RBPJ: variants seen among roughly 807,000 people sequenced by gnomAD.
The protein encoded by RBPJ is recombination signal binding protein for immunoglobulin kappa J region, also known as recombining binding protein suppressor of hairless.
Under a neutral mutation model 67.8 loss-of-function variants are expected in RBPJ, and 9 were observed. That is an observed-to-expected ratio of 0.13 (90% CI 0.08 to 0.23). The LOEUF (loss-of-function observed/expected upper bound fraction) is 0.23, where lower values mean the gene tolerates loss of function less well. RBPJ is among the 10% of genes least tolerant of loss of function. The pLI is 1.00. For missense variants in RBPJ, 305 were observed against 595.6 expected, an observed-to-expected ratio of 0.51 and a Z score of 5.08; for synonymous variants, 198 against 203.3, an observed-to-expected ratio of 0.97 and a Z score of 0.22.
chr4:26,239,696 AGAGAAGAGAAGAAAAAAAG>A, intron 1 of RBPJ, among the ~76,000 whole-genome samples: 1 of 150,240 alleles, frequency 6.7e-6, no homozygotes, highest in South Asian at 2.2e-4. Flanking sequence ...GGAAAGTAAC[AGAGAAGAGAAGAAAAAAAG>A]GAGAAGAGAA....
At chr4:26,182,325 G>A (rs972467184) in intron 1 of RBPJ, among the ~76,000 whole-genome samples, 15 of 151,992 alleles carry the variant, frequency 9.9e-5, no homozygotes, top group Non-Finnish European at 2.1e-4. Context: ...CTGGGCAAAA[G>A]AGCAAGACTC....
intron 2 of RBPJ, among the ~76,000 whole-genome samples, chr4:26,394,194 T>C (rs1235052102): frequency 6.6e-6 from 1 of 151,940 alleles, no homozygotes; most frequent in Admixed American, 6.6e-5. Context: ...ACCCGGCTAA[T>C]TTTTTTGTAT....
At chr4:26,195,884 G>A (rs941078521) in intron 1 of RBPJ, among the ~76,000 whole-genome samples, 8 of 152,262 alleles carry the variant, frequency 5.3e-5, no homozygotes, top group South Asian at 4.1e-4. Context: ...GTGAGCCACC[G>A]CACCTGGCCG....
At chr4:26,406,141 C>T (rs904450718) in intron 2 of RBPJ, 34 bp from the exon 3 acceptor site, 2 of 1,335,348 alleles carry the variant, frequency 1.5e-6, no homozygotes, top group African/African-American at 2.9e-5. Context: ...AAGAATTTCA[C>T]CTCTGTAACA....
chr4:26,205,431 T>G (rs1048050896), intron 1 of RBPJ, among the ~76,000 whole-genome samples: 1 of 152,140 alleles, frequency 6.6e-6, no homozygotes. Context: ...CTTTTCTTAT[T>G]GCCCTCTCCT....
At chr4:26,415,729 C>A in intron 4 of RBPJ, 89 bp downstream of exon 4, 1 of 1,243,296 alleles carries the variant, frequency 8.0e-7, no homozygotes, top group Non-Finnish European at 1.1e-6. Flanking sequence ...AGATTTTTTT[C>A]TTTAATAACT....
At chr4:26,178,920 G>A (rs1716888673) in intron 1 of RBPJ, among the ~76,000 whole-genome samples, 2 of 152,170 alleles carry the variant, frequency 1.3e-5, no homozygotes, top group African/African-American at 2.4e-5. Flanking sequence ...ATAAGCCCAC[G>A]TTTTGGAGGA....
chr4:26,254,133 A>C (rs1720214399), intron 1 of RBPJ, among the ~76,000 whole-genome samples: 1 of 148,834 alleles, frequency 6.7e-6, no homozygotes, highest in African/African-American at 2.6e-5. Flanking sequence ...ATCATTCTGC[A>C]CCTAAACAAG....
intron 1 of RBPJ, among the ~76,000 whole-genome samples, chr4:26,311,027 T>C (rs1299873296): frequency 6.6e-6 from 1 of 152,206 alleles, no homozygotes; most frequent in Admixed American, 6.5e-5. Flanking sequence ...TTTGATGAGA[T>C]GAATGCAAGT....
At chr4:26,252,451 G>A (rs1292166909) in intron 1 of RBPJ, among the ~76,000 whole-genome samples, 4 of 151,196 alleles carry the variant, frequency 2.6e-5, no homozygotes, top group Non-Finnish European at 5.9e-5. Flanking sequence ...GCTGGGTGTG[G>A]TGGCACGCAC....
intron 1 of RBPJ, among the ~76,000 whole-genome samples, chr4:26,284,149 T>C (rs763063699): frequency 1.4e-4 from 21 of 152,236 alleles, no homozygotes; most frequent in Non-Finnish European, 2.6e-4. Flanking sequence ...TTATATGTTA[T>C]ACTGCCTGAC....
intron 1 of RBPJ, among the ~76,000 whole-genome samples, chr4:26,287,467 C>G (rs533802281): frequency 1.3e-5 from 2 of 150,768 alleles, no homozygotes; most frequent in South Asian, 4.2e-4. Flanking sequence ...GTGGGAAGAT[C>G]GCTTGAGTCA....
chr4:26,349,219 C>T (rs1726539505), intron 1 of RBPJ, among the ~76,000 whole-genome samples: 1 of 151,862 alleles, frequency 6.6e-6, no homozygotes, highest in Non-Finnish European at 1.5e-5. Flanking sequence ...AGGTATGAGC[C>T]ACCATGCCTG....
At chr4:26,246,757 A>G (rs1719940476) in intron 1 of RBPJ, among the ~76,000 whole-genome samples, 1 of 152,134 alleles carries the variant, frequency 6.6e-6, no homozygotes, top group African/African-American at 2.4e-5. Flanking sequence ...AGCCTAGTCT[A>G]GTGCCTGCTT....
At chr4:26,385,972 GAATTATTTTATA>G (rs975220462) in intron 1 of RBPJ, among the ~76,000 whole-genome samples, 3 of 151,672 alleles carry the variant, frequency 2.0e-5, no homozygotes, top group Admixed American at 1.3e-4. Context: ...CAGGCTAATA[GAATTATTTTATA>G]ATGATTACAT....
Position 26,209,540 on chromosome 4 carries a change from T to TCCC in RBPJ, c.-167+45926_-167+45927insCCC, listed in dbSNP as rs1313871378. Among the ~76,000 whole-genome samples, 18 of 125,802 alleles carry TCCC rather than the reference T, an allele frequency of 1.4e-4. 2 individuals are homozygous for TCCC. Among genetic ancestry groups the TCCC allele is most frequent in the East Asian group, 4.8e-4 (2 of 4,192 alleles). The allele number at this position is 125,802 out of a possible 152,430, so 82.5% of individuals were successfully genotyped here. A position where few individuals can be genotyped will look rare whatever the true frequency, so the allele number is the denominator to read the frequency against. ...AACAATCAAGTGACATCCTATCTCC[T>TCCC]TCCTTCCTCCTTCCCTGTCTCCCTC... On this transcript the variant is annotated intron_variant, in intron 1 of 4. Transcript: ENST00000512351.
At chr4:26,114,116 T>C in the RBPJ span, among the ~76,000 whole-genome samples, 1 of 152,182 alleles carries the variant, frequency 6.6e-6, no homozygotes, top group Non-Finnish European at 1.5e-5. Flanking sequence ...CATTTACTCA[T>C]CTTCATAGTA....
intron 1 of RBPJ, among the ~76,000 whole-genome samples, chr4:26,214,921 A>AGG (rs1560214126): frequency 2.7e-5 from 2 of 75,356 alleles, no homozygotes; most frequent in African/African-American, 4.0e-5. Context: ...AAAAGAGAAA[A>AGG]AAGGAAGGAA....
At chr4:26,124,097 G>A in the RBPJ span, among the ~76,000 whole-genome samples, 1 of 151,924 alleles carries the variant, frequency 6.6e-6, no homozygotes, top group South Asian at 2.1e-4. Flanking sequence ...GGTGATGTTT[G>A]GTTATAGGAA....
Sources: gnomAD v4.1 joint callset for allele counts (sites outside exome capture counted in the v4.1 genomes callset) on GRCh38, gnomAD v4.1.1 for gene constraint, MANE v1.5 for transcripts, NCBI Gene and HGNC (gene_info 2026-07-23, HGNC 2026-07-21) for gene names.